Variants in ELL observed in about 807,000 individuals in gnomAD.
ELL encodes the protein RNA polymerase II elongation factor ELL.
A neutral mutation model predicts 64.0 loss-of-function variants in ELL; 18 were observed. The ratio of observed to expected loss-of-function variants is 0.28; its 90% CI spans 0.19 to 0.42. The LOEUF (loss-of-function observed/expected upper bound fraction) is 0.42, where lower values mean the gene tolerates loss of function less well. Ranked by LOEUF, ELL falls within the 10% of genes least tolerant of loss-of-function variation. ELL has a pLI of 1.00. For synonymous variants in ELL, 399 were observed against 376.2 expected (o/e 1.06, Z -0.70); for missense variants, 797 against 870.4 (o/e 0.92, Z 1.06).
At chr19:18,506,741 T>G (rs1277749249) in intron 1 of ELL, among the ~76,000 whole-genome samples, 1 of 152,048 alleles carries the variant, frequency 6.6e-6, no homozygotes, top group Non-Finnish European at 1.5e-5. Context: ...AAAAGCAGAC[T>G]TCCGTTCAAC....
chr19:18,466,945 C>T (rs1974950743), intron 2 of ELL, among the ~76,000 whole-genome samples: 1 of 152,204 alleles, frequency 6.6e-6, no homozygotes, highest in Non-Finnish European at 1.5e-5. Context: ...CCCTGCTGAG[C>T]TGCCTCATAC....
intron 1 of ELL, among the ~76,000 whole-genome samples, chr19:18,510,444 C>G (rs984116016): frequency 6.6e-6 from 1 of 152,200 alleles, no homozygotes; most frequent in African/African-American, 2.4e-5. Context: ...AAGCAGGGCA[C>G]GTAGCCACTG....
chr19:18,470,496 TGAGA>T (rs888958164), intron 2 of ELL, among the ~76,000 whole-genome samples: 1 of 152,196 alleles, frequency 6.6e-6, no homozygotes, highest in Non-Finnish European at 1.5e-5. Context: ...CTCTGACCCC[TGAGA>T]GAATGTCCTG....
chr19:18,446,221 A>T, intron 10 of ELL, 88 bp downstream of exon 10: 1 of 1,413,788 alleles, frequency 7.1e-7, no homozygotes, highest in Non-Finnish European at 9.2e-7. Flanking sequence ...CTCTGGGGCC[A>T]CCAAGCTCGT....
intron 1 of ELL, among the ~76,000 whole-genome samples, chr19:18,486,991 C>A (rs529335456): frequency 2.4e-4 from 37 of 152,326 alleles, no homozygotes; most frequent in Non-Finnish European, 4.9e-4. Context: ...AGATGCTGGC[C>A]TCCACCGTCA....
intron 1 of ELL, among the ~76,000 whole-genome samples, chr19:18,515,413 C>A (rs565027282): frequency 1.3e-5 from 2 of 152,368 alleles, no homozygotes; most frequent in African/African-American, 4.8e-5. Context: ...AGAGCCCAGG[C>A]CATGACACTT....
intron 1 of ELL, among the ~76,000 whole-genome samples, chr19:18,517,136 G>A (rs1976147549): frequency 6.6e-6 from 1 of 152,090 alleles, no homozygotes; most frequent in Non-Finnish European, 1.5e-5. Flanking sequence ...TTTCCAAGCA[G>A]GTGAGTAACA....
chr19:18,509,599 A>AGTGCGCGCGCGCGCG (rs1568399753), intron 1 of ELL, among the ~76,000 whole-genome samples: 1 of 9,538 alleles, frequency 1.0e-4, no homozygotes, highest in Non-Finnish European at 2.3e-4. Flanking sequence ...GCGCGCACAT[A>AGTGCGCGCGCGCGCG]CACACACACA....
chr19:18,445,277 A>G lies in ELL; in HGVS notation c.1705-9T>C, dbSNP rs1164836182. The G allele has an allele frequency of 3.1e-6, 5 of 1,613,788 alleles. No homozygotes were observed. In the African/African-American group the frequency reaches 4.0e-5, roughly 13 times the overall value. ...ATCTGCCCTCGAGTAGTCTAGAAGA[A>G]AAACAAAATTTTGAGAAAACAGAAT... On this transcript the variant is annotated splice_polypyrimidine_tract_variant and intron_variant, in intron 10 of 11. Coordinates refer to ENST00000262809, the MANE Select transcript of ELL (RefSeq NM_006532.4).
intron 1 of ELL, among the ~76,000 whole-genome samples, chr19:18,498,962 A>G (rs1481692703): frequency 6.6e-6 from 1 of 152,146 alleles, no homozygotes; most frequent in African/African-American, 2.4e-5. Context: ...AAAAACAACA[A>G]CAACAACAAA....
chr19:18,478,046 G>T (rs1303948945), intron 1 of ELL, among the ~76,000 whole-genome samples: 3 of 152,098 alleles, frequency 2.0e-5, no homozygotes, highest in Non-Finnish European at 2.9e-5. Context: ...GGTGAGTGTC[G>T]GCTGCAGACA....
At chr19:18,515,718 G>A (rs1242267317) in intron 1 of ELL, among the ~76,000 whole-genome samples, 1 of 152,176 alleles carries the variant, frequency 6.6e-6, no homozygotes, top group East Asian at 1.9e-4. Context: ...GCCTCTTGGG[G>A]ACGCGGAAAG....
chr19:18,512,542 G>A (rs1976047503), intron 1 of ELL, among the ~76,000 whole-genome samples: 1 of 152,210 alleles, frequency 6.6e-6, no homozygotes, highest in Admixed American at 6.5e-5. Flanking sequence ...AGGAGGCTGA[G>A]GTGGGAGGAT....
intron 1 of ELL, among the ~76,000 whole-genome samples, chr19:18,517,907 GAGAAGAAGAAGA>G (rs1255162744): frequency 2.0e-5 from 3 of 150,034 alleles, no homozygotes; most frequent in African/African-American, 7.4e-5. Context: ...AAAAAAGAAG[GAGAAGAAGAAGA>G]AAAGAAAAGA....
chr19:18,461,867 C>T lies in ELL; in HGVS notation c.470-15G>A. On this transcript the variant is annotated splice_polypyrimidine_tract_variant and intron_variant, in intron 4 of 11. Coordinates refer to ENST00000262809, the MANE Select transcript of ELL (RefSeq NM_006532.4). ...AACCTTCTTGCCTGCAACAAGAATC[C>T]AAGCTTTAGGGAACAGAGAGGGCGC... The T allele has an allele frequency of 1.2e-6, 2 of 1,606,410 alleles. No homozygotes were observed. Among genetic ancestry groups the T allele is most frequent in the Non-Finnish European group, 1.7e-6 (2 of 1,175,114 alleles).
intron 1 of ELL, among the ~76,000 whole-genome samples, chr19:18,483,848 C>T (rs757436509): frequency 1.3e-5 from 2 of 152,208 alleles, no homozygotes; most frequent in African/African-American, 2.4e-5. Flanking sequence ...CCCTGCCCAC[C>T]CTGCCTGCAC....
chr19:18,448,213 G>A (rs1355695205), intron 8 of ELL: 1 of 151,982 alleles, frequency 6.6e-6, no homozygotes, highest in African/African-American at 2.4e-5. Context: ...TGGGATTATA[G>A]GCGGAACCAC....
intron 1 of ELL, among the ~76,000 whole-genome samples, chr19:18,498,573 C>T (rs145622805): frequency 1.3e-4 from 20 of 152,336 alleles, no homozygotes; most frequent in Middle Eastern, 3.4e-3. Context: ...GGTTTAGCTT[C>T]AGGGACCCTG....
rs1272026215 is a variant in ELL, at chr19:18,442,691, GAA to G, written c.*2059_*2060del. On this transcript the variant is annotated 3_prime_UTR_variant, in exon 12 of 12. Transcript: ENST00000262809. ...AGTTCAGTGAAATTTATTGGAGAAT[GAA>G]AAAAGTCAGCATTCACCTGTTTAGT... 2 of 189,318 alleles carry G rather than the reference GAA, an allele frequency of 1.1e-5. No homozygotes were observed. The highest frequency in any genetic ancestry group is 4.7e-5 in the African/African-American group (2 of 42,632). 11.7% of individuals were successfully genotyped at this position (189,318 alleles called of 1,614,324 possible). A position where few individuals can be genotyped will look rare whatever the true frequency, so the allele number is the denominator to read the frequency against.
Sources: allele counts gnomAD v4.1 joint callset (sites outside exome capture counted in the v4.1 genomes callset), GRCh38; gene constraint gnomAD v4.1.1; transcripts MANE v1.5; gene names NCBI Gene and HGNC (gene_info 2026-07-23, HGNC 2026-07-21).